The following PCSK5 variants were observed in gnomAD, a reference collection of about 807,000 sequenced individuals.
The protein encoded by PCSK5 is prohormone convertase 5.
In PCSK5, 129 loss-of-function variants were observed where a neutral mutation model predicts 233.2. The observed-to-expected ratio is 0.55, with a 90% CI of 0.48 to 0.64. The LOEUF (loss-of-function observed/expected upper bound fraction) is 0.64. Among genes scored for constraint, PCSK5 ranks in the 30% least tolerant of loss-of-function variants. PCSK5 has a pLI of 0.00. For missense variants in PCSK5, 2,076 were observed against 2,430.1 expected (o/e 0.85, Z 3.06); for synonymous variants, 825 against 879.2 (o/e 0.94, Z 1.09).
At chr9:75,989,397 G>A (rs1329009519) in intron 3 of PCSK5, among the ~76,000 whole-genome samples, 4 of 152,124 alleles carry the variant, frequency 2.6e-5, no homozygotes, top group African/African-American at 4.8e-5. Context: ...GGGAGGCTGA[G>A]GTGGGAAGAT....
intron 3 of PCSK5, among the ~76,000 whole-genome samples, chr9:76,008,576 C>T (rs921337096): frequency 2.6e-5 from 4 of 152,042 alleles, no homozygotes; most frequent in African/African-American, 4.8e-5. Flanking sequence ...ATTCTTCTGC[C>T]TCAGCCTCTT....
At chr9:76,338,207 C>T (rs770104300) in intron 34 of PCSK5, 23 bp from the exon 35 acceptor site, 1 of 1,566,524 alleles carries the variant, frequency 6.4e-7, no homozygotes, top group Non-Finnish European at 8.7e-7. Context: ...ACTATTCCAT[C>T]TTTTCTTCTC....
At chr9:76,023,661 A>AAAAG in intron 3 of PCSK5, 77 bp from the exon 4 acceptor site, 1 of 1,388,540 alleles carries the variant, frequency 7.2e-7, no homozygotes, top group Non-Finnish European at 9.8e-7. Flanking sequence ...AAAAAAAAAC[A>AAAAG]AAAGAAAGAA....
chr9:76,038,065 CTGAGA>C (rs1363476213), intron 5 of PCSK5, among the ~76,000 whole-genome samples: 4 of 152,188 alleles, frequency 2.6e-5, no homozygotes, highest in African/African-American at 4.8e-5. Context: ...ACATCCTGAG[CTGAGA>C]TGAGCTGACT....
intron 1 of PCSK5, among the ~76,000 whole-genome samples, chr9:75,926,127 C>T (rs376776333): frequency 6.4e-4 from 98 of 152,292 alleles, no homozygotes; most frequent in African/African-American, 2.3e-3. Context: ...TCTTTCATTT[C>T]CCCATTCTTT....
chr9:76,024,618 G>A (rs1000704891), intron 4 of PCSK5, among the ~76,000 whole-genome samples: 4 of 152,182 alleles, frequency 2.6e-5, no homozygotes, highest in African/African-American at 9.7e-5. Flanking sequence ...GCATGCTGCT[G>A]TTCCCCACTG....
chr9:76,193,215 C>G, intron 20 of PCSK5: 1 of 1,610,638 alleles, frequency 6.2e-7, no homozygotes, highest in South Asian at 1.1e-5. Flanking sequence ...CTCCCCTTCT[C>G]TCTTGCTGAC....
In PCSK5 at chr9:75,891,153, G is replaced by A; in HGVS notation, c.-29G>A. The A allele has an allele frequency of 6.9e-7, 1 of 1,444,134 alleles. No individual in the cohort carries two copies. 89.5% of individuals were successfully genotyped at this position (1,444,134 alleles called of 1,614,324 possible). ...CCCTTAGTGCGCGGAACCAGCCAGC[G>A]AGCGAGGGAGCAGCGAGGCGCCGGG... On this transcript the variant is annotated 5_prime_UTR_variant, in exon 1 of 38. Transcript: ENST00000674117.
At chr9:76,308,509 C>G in intron 28 of PCSK5, 136 bp from the exon 29 acceptor site, 1 of 645,646 alleles carries the variant, frequency 1.5e-6, no homozygotes, top group Admixed American at 2.9e-5. Context: ...TGCCAACAAT[C>G]AGCTCATGTA....
At chr9:75,986,343 C>T (rs78036350) in intron 3 of PCSK5, 98 bp downstream of exon 3, 48,993 of 734,022 alleles carry the variant, frequency 0.067, 2,093 homozygotes, top group Non-Finnish European at 0.088. Context: ...GAAATACTGA[C>T]CAGGGATTGT....
chr9:76,056,685 GA>G (rs930902604), intron 5 of PCSK5, among the ~76,000 whole-genome samples: 14 of 152,188 alleles, frequency 9.2e-5, no homozygotes, highest in African/African-American at 3.4e-4. Flanking sequence ...TGCTCTTCAA[GA>G]GTTAAAATGG....
At chr9:75,967,766 CT>C (rs35915694) in intron 2 of PCSK5, among the ~76,000 whole-genome samples, 135,131 of 148,172 alleles carry the variant, frequency 0.91, 61,655 homozygotes, top group Non-Finnish European at 0.92. Context: ...AGTGCCCAGC[CT>C]TTTTTTTTTT....
intron 1 of PCSK5, among the ~76,000 whole-genome samples, chr9:75,909,917 C>G (rs973702615): frequency 1.3e-5 from 2 of 152,228 alleles, no homozygotes; most frequent in South Asian, 4.2e-4. Flanking sequence ...AGAAGTGACT[C>G]GTGTCCCTTC....
chr9:76,356,462 G>C (rs996456833), intron 37 of PCSK5, among the ~76,000 whole-genome samples: 13 of 152,174 alleles, frequency 8.5e-5, no homozygotes, highest in Admixed American at 5.2e-4. Context: ...TGGCACCCTA[G>C]TAATTCAAAC....
At chr9:76,206,095 C>CA (rs1453887208) in intron 20 of PCSK5, among the ~76,000 whole-genome samples, 1 of 152,194 alleles carries the variant, frequency 6.6e-6, no homozygotes, top group Admixed American at 6.5e-5. Context: ...TGTTCAAACA[C>CA]AGATTCCTAT....
intron 33 of PCSK5, among the ~76,000 whole-genome samples, chr9:76,328,868 G>T (rs147627497): frequency 6.6e-6 from 1 of 151,874 alleles, no homozygotes; most frequent in East Asian, 1.9e-4. Context: ...GAGTGCAGTG[G>T]TATGATCTCG....
intron 35 of PCSK5, among the ~76,000 whole-genome samples, chr9:76,340,878 AT>A (rs1271227756): frequency 2.0e-5 from 3 of 150,772 alleles, no homozygotes; most frequent in Non-Finnish European, 1.5e-5. Flanking sequence ...CAACCCATCT[AT>A]TTTTTTTGTT....
intron 24 of PCSK5, among the ~76,000 whole-genome samples, chr9:76,268,714 G>A (rs1827418292): frequency 6.6e-6 from 1 of 151,962 alleles, no homozygotes; most frequent in Admixed American, 6.6e-5. Flanking sequence ...ATGTAGTGGT[G>A]CACACTTGTA....
chr9:75,996,936 G>A (rs913067916), intron 3 of PCSK5, among the ~76,000 whole-genome samples: 52 of 151,106 alleles, frequency 3.4e-4, no homozygotes, highest in East Asian at 2.0e-3. Flanking sequence ...TTGTCTTCCT[G>A]AACATGTTGA....
Sources: allele counts gnomAD v4.1 joint callset (sites outside exome capture counted in the v4.1 genomes callset), GRCh38; gene constraint gnomAD v4.1.1; transcripts MANE v1.5; gene names NCBI Gene and HGNC (gene_info 2026-07-23, HGNC 2026-07-21).